The following MORN3 variants were observed in gnomAD, a reference collection of about 807,000 sequenced individuals.
MORN3 encodes MORN repeat-containing protein 3.
MORN3 carries 38 observed loss-of-function variants against 34.7 expected under a neutral mutation model. That is an observed-to-expected ratio of 1.10 (90% confidence interval 0.85 to 1.44). MORN3 has a LOEUF of 1.44. Among genes scored for constraint, MORN3 ranks in the 40% most tolerant of loss-of-function variants. The probability of loss-of-function intolerance (pLI) is 0.00; values close to 1 mark genes in which losing one functional copy is unlikely to be tolerated. For synonymous variants in MORN3, 109 were observed against 115.3 expected, an observed-to-expected ratio of 0.95 and a Z score of 0.35; for missense variants, 311 against 321.7, an observed-to-expected ratio of 0.97 and a Z score of 0.25.
chr12:121,664,421 T>G (rs1893678514), intron 1 of MORN3, among the ~76,000 whole-genome samples: 1 of 152,156 alleles, frequency 6.6e-6, no homozygotes, highest in African/African-American at 2.4e-5. Flanking sequence ...GGAAGGGCAG[T>G]CCAGGCACAG....
intron 1 of MORN3, among the ~76,000 whole-genome samples, chr12:121,661,053 T>C (rs1471944867): frequency 1.3e-5 from 2 of 152,028 alleles, no homozygotes; most frequent in Non-Finnish European, 2.9e-5. Flanking sequence ...CCACCCAGGC[T>C]CAAATGATCC....
intron 1 of MORN3, among the ~76,000 whole-genome samples, chr12:121,669,012 G>T (rs1017234521): frequency 1.2e-4 from 18 of 152,122 alleles, no homozygotes; most frequent in Non-Finnish European, 2.2e-4. Flanking sequence ...GGCTTTTCTT[G>T]TTGCCAGCCA....
chr12:121,652,669 T>C, intron 5 of MORN3, 59 bp downstream of exon 5: 1 of 1,525,480 alleles, frequency 6.6e-7, no homozygotes, highest in South Asian at 1.1e-5. Flanking sequence ...TGTGCATTGT[T>C]CTGGGCCCTG....
At chr12:121,663,241 C>T (rs1893639850) in intron 1 of MORN3, among the ~76,000 whole-genome samples, 1 of 147,110 alleles carries the variant, frequency 6.8e-6, no homozygotes, top group African/African-American at 2.5e-5. Context: ...TCTTGTTGCT[C>T]AGGCTGGAGT....
chr12:121,654,981 T>C (rs1893373831), intron 2 of MORN3, among the ~76,000 whole-genome samples: 1 of 151,962 alleles, frequency 6.6e-6, no homozygotes, highest in Admixed American at 6.6e-5. Context: ...TTAAACTCCC[T>C]CCTTACTGAC....
At chr12:121,659,083 C>T (rs1185426100) in intron 2 of MORN3, 108 bp downstream of exon 2, 4 of 1,333,462 alleles carry the variant, frequency 3.0e-6, no homozygotes, top group Non-Finnish European at 4.1e-6. Flanking sequence ...CCCTGTAGAC[C>T]TCCCCTCTCT....
intron 1 of MORN3, among the ~76,000 whole-genome samples, chr12:121,667,715 A>G (rs1171845505): frequency 3.4e-5 from 5 of 147,564 alleles, no homozygotes. Flanking sequence ...CTCTCCTCCA[A>G]GTCTTTTTTT....
In MORN3 at chr12:121,653,053, G is replaced by A. The variant is rs782471409; in HGVS notation, c.648+22C>T. 15 of 1,585,016 alleles carry A rather than the reference G, an allele frequency of 9.5e-6. No homozygotes were observed. In the Admixed American group the frequency reaches 2.7e-4, roughly 29 times the overall value. ...TGTCTCTGTCTGGGTGTGGCCACAGGGCCCTGGTGAGGGCTGCCCACCTCA... is the reference window on the plus strand; with the variant it reads ...TGTCTCTGTCTGGGTGTGGCCACAGAGCCCTGGTGAGGGCTGCCCACCTCA... On this transcript the variant is annotated intron_variant, in intron 4 of 5. Coordinates refer to ENST00000355329, the MANE Select transcript of MORN3 (RefSeq NM_173855.5).
At chr12:121,672,355 G>A (rs1351709228), upstream of MORN3, among the ~76,000 whole-genome samples, 3 of 152,152 alleles carry the variant, frequency 2.0e-5, no homozygotes, top group Non-Finnish European at 4.4e-5. Context: ...AGCTGCGCGG[G>A]AGGCTGAGGT....
At chr12:121,665,791 C>A (rs972739892) in intron 1 of MORN3, among the ~76,000 whole-genome samples, 1 of 143,252 alleles carries the variant, frequency 7.0e-6, no homozygotes, top group African/African-American at 2.6e-5. Flanking sequence ...AAAAAAAGAC[C>A]TGGCATTTTC....
chr12:121,665,091 G>T (rs1566485470), intron 1 of MORN3, among the ~76,000 whole-genome samples: 1 of 151,622 alleles, frequency 6.6e-6, no homozygotes, highest in Non-Finnish European at 1.5e-5. Context: ...TGTGACCAAG[G>T]TAGCAGGGGC....
chr12:121,663,158 T>C (rs576042528), intron 1 of MORN3, among the ~76,000 whole-genome samples: 2 of 152,120 alleles, frequency 1.3e-5, no homozygotes, highest in East Asian at 3.9e-4. Flanking sequence ...GAGATGGATA[T>C]GCTAATTACT....
Position 121,652,725 on chromosome 12 carries a change from C to T in MORN3, c.*6+3G>A, listed in dbSNP as rs782464132. 3.7e-6 allele frequency: 6 copies of T among 1,614,066 alleles called. No homozygotes were observed. The African/African-American group carries it at 4.0e-5, about 11-fold the overall frequency. On this transcript the variant is annotated splice_donor_region_variant and intron_variant, in intron 5 of 5. Coordinates refer to ENST00000355329, the MANE Select transcript of MORN3 (RefSeq NM_173855.5). Reference sequence around the variant, plus strand: ...GAACTTGGCAGGTGTGCCCACCCCTCACCTGGCATCAATCTCCTTCCTCTG... The same window carrying T: ...GAACTTGGCAGGTGTGCCCACCCCTTACCTGGCATCAATCTCCTTCCTCTG...
In MORN3 at chr12:121,652,806, G is replaced by T; in HGVS notation, c.651C>A (p.Val217=). 1.2e-6 allele frequency: 2 copies of T among 1,614,172 alleles called. No homozygotes were observed. Among genetic ancestry groups the T allele is most frequent in the South Asian group, 2.2e-5 (2 of 91,030 alleles). The change falls in exon 5 of 6, where the codon GTC becomes GTA. Residue 217 remains valine (V), a splice_region_variant and synonymous_variant. Coordinates refer to ENST00000355329, the MANE Select transcript of MORN3 (RefSeq NM_173855.5). ...PEPTQFPIPE[V]KILDPDGVLA... is the part of the protein sequence containing the mutation. ...GCACACCATCAGGGTCTAGGATTTT[G>T]ACCTGGAGGGAAATACCAAGAAGTT...
At chr12:121,656,792 A>T (rs1374062728) in intron 2 of MORN3, among the ~76,000 whole-genome samples, 3 of 152,146 alleles carry the variant, frequency 2.0e-5, no homozygotes, top group Non-Finnish European at 4.4e-5. Context: ...AATTGCTGGG[A>T]TTACAGGCGT....
rs1293231483 is a variant in MORN3 at position 121,659,173 on chromosome 12, G to C, written c.303+18C>G. The C allele has an allele frequency of 6.4e-7, 1 of 1,574,462 alleles. No homozygotes were observed. Among genetic ancestry groups the C allele is most frequent in the Non-Finnish European group, 8.7e-7 (1 of 1,155,162 alleles). ...CACACACACACACACACACACCCCG[G>C]CTGGCAGGCCTGCTCACCGATTTCT... On this transcript the variant is annotated intron_variant, in intron 2 of 5. Transcript: ENST00000355329.
chr12:121,660,473 C>A (rs1893549476), intron 1 of MORN3, among the ~76,000 whole-genome samples: 2 of 149,862 alleles, frequency 1.3e-5, no homozygotes, highest in South Asian at 2.1e-4. Context: ...GCCTTAGCCA[C>A]CCCAGTAGCT....
At chr12:121,659,142 C>CACACAT in intron 2 of MORN3, 49 bp downstream of exon 2, 1 of 755,622 alleles carries the variant, frequency 1.3e-6, no homozygotes, top group Non-Finnish European at 1.8e-6. Flanking sequence ...CGCGCGCACA[C>CACACAT]ACACACACAC....
chr12:121,664,602 T>C (rs575860462), intron 1 of MORN3, among the ~76,000 whole-genome samples: 1 of 152,244 alleles, frequency 6.6e-6, no homozygotes, highest in East Asian at 1.9e-4. Flanking sequence ...CTACTGAAGA[T>C]ACAAAAATTA....
Sources: gnomAD v4.1 joint callset for allele counts (sites outside exome capture counted in the v4.1 genomes callset) on GRCh38, gnomAD v4.1.1 for gene constraint, MANE v1.5 for transcripts, NCBI Gene and HGNC (gene_info 2026-07-23, HGNC 2026-07-21) for gene names.